Variants in ARNT2 observed in about 807,000 individuals in gnomAD.
The protein encoded by ARNT2 is ARNT protein 2.
ARNT2 carries 36 observed loss-of-function variants against 91.7 expected under a neutral mutation model. That is an observed-to-expected ratio of 0.39 (90% CI 0.30 to 0.52). The LOEUF is 0.52. Among genes scored for constraint, ARNT2 ranks in the 20% least tolerant of loss-of-function variants. The pLI is 0.72. For missense variants in ARNT2, 775 were observed against 939.3 expected (o/e 0.83, Z 2.29); for synonymous variants, 365 against 347.1 (o/e 1.05, Z -0.57).
chr15:80,508,373 C>T, intron 6 of ARNT2, 115 bp downstream of exon 6: 2 of 945,038 alleles, frequency 2.1e-6, no homozygotes, highest in Non-Finnish European at 3.3e-6. Context: ...GGGTTCACTC[C>T]AGGGACTTCG....
intron 12 of ARNT2, among the ~76,000 whole-genome samples, chr15:80,568,021 A>G (rs1898517373): frequency 6.6e-6 from 1 of 152,226 alleles, no homozygotes; most frequent in South Asian, 2.1e-4. Context: ...GGTTGCTTTC[A>G]GTCAAAAGCA....
At chr15:80,420,913 C>T (rs1352552981) in intron 1 of ARNT2, among the ~76,000 whole-genome samples, 1 of 152,056 alleles carries the variant, frequency 6.6e-6, no homozygotes, top group East Asian at 1.9e-4. Context: ...AGTATCTACC[C>T]AAAGGCAAAA....
chr15:80,433,262 A>AT lies in ARNT2; in HGVS notation c.32-17614dup, dbSNP rs11403664. On this transcript the variant is annotated intron_variant, in intron 1 of 18. Coordinates refer to ENST00000303329, the MANE Select transcript of ARNT2 (RefSeq NM_014862.4). The stretch of plus-strand genomic sequence containing the variant: ...ATTTTATTTTATTTTATTTTATTTT[A>AT]TTTTATTTTATTTTATTTTATTTTA... Among the ~76,000 whole-genome samples, 534 of 58,256 alleles carry AT rather than the reference A, an allele frequency of 9.2e-3. 11 individuals are homozygous for AT. The highest frequency in any genetic ancestry group is 0.03 in the South Asian group (53 of 1,744). The allele number at this position is 58,256 out of a possible 152,430, so 38.2% of individuals were successfully genotyped here. A position where few individuals can be genotyped will look rare whatever the true frequency, so the allele number is the denominator to read the frequency against.
chr15:80,484,286 G>A (rs763525392), intron 5 of ARNT2, among the ~76,000 whole-genome samples: 1 of 152,172 alleles, frequency 6.6e-6, no homozygotes, highest in South Asian at 2.1e-4. Context: ...GGCAAGAAAA[G>A]CATGTTTATT....
chr15:80,468,488 A>G (rs993699878), intron 3 of ARNT2, among the ~76,000 whole-genome samples: 8 of 151,702 alleles, frequency 5.3e-5, no homozygotes, highest in Admixed American at 5.3e-4. Flanking sequence ...CCACCCTCAA[A>G]TGTTTCTTCC....
intron 8 of ARNT2, among the ~76,000 whole-genome samples, chr15:80,515,436 T>G (rs995583105): frequency 7.9e-5 from 12 of 152,228 alleles, no homozygotes; most frequent in African/African-American, 2.7e-4. Context: ...CATGCTATAT[T>G]ATGGACAAAT....
intron 5 of ARNT2, among the ~76,000 whole-genome samples, chr15:80,497,819 A>T (rs1256941783): frequency 1.3e-5 from 2 of 152,240 alleles, no homozygotes; most frequent in Non-Finnish European, 2.9e-5. Context: ...ATTCTTCCTG[A>T]GGAAAACACT....
chr15:80,542,711 G>A (rs951421134), intron 8 of ARNT2, among the ~76,000 whole-genome samples: 1 of 152,134 alleles, frequency 6.6e-6, no homozygotes, highest in African/African-American at 2.4e-5. Context: ...TTATCTCTAG[G>A]TAGATGATCT....
intron 8 of ARNT2, among the ~76,000 whole-genome samples, chr15:80,526,774 A>T (rs1897646865): frequency 6.6e-6 from 1 of 152,226 alleles, no homozygotes; most frequent in Non-Finnish European, 1.5e-5. Context: ...AGAATCTGCT[A>T]TGGTCAGGCC....
chr15:80,523,827 A>T (rs1428428715), intron 8 of ARNT2, among the ~76,000 whole-genome samples: 1 of 152,212 alleles, frequency 6.6e-6, no homozygotes, highest in East Asian at 1.9e-4. Context: ...TGTGACTGTG[A>T]GTGTGAGTGT....
intron 3 of ARNT2, among the ~76,000 whole-genome samples, chr15:80,460,867 G>C (rs1487250317): frequency 6.6e-6 from 1 of 152,182 alleles, no homozygotes; most frequent in East Asian, 1.9e-4. Context: ...CAGGAGTGAC[G>C]CTGGGGAGAG....
intron 12 of ARNT2, among the ~76,000 whole-genome samples, chr15:80,565,726 A>T (rs4778815): frequency 6.6e-6 from 1 of 151,768 alleles, no homozygotes; most frequent in East Asian, 1.9e-4. Flanking sequence ...TTTTAATGGG[A>T]TTTGTTTTTT....
intron 1 of ARNT2, 25 bp from the exon 2 acceptor site, chr15:80,450,855 A>G (rs753335600): frequency 4.3e-6 from 7 of 1,611,774 alleles, no homozygotes; most frequent in Non-Finnish European, 1.7e-6. Context: ...CATTGACAAA[A>G]CCTCTTGTCT....
At chr15:80,546,174 A>G (rs1897987356) in intron 8 of ARNT2, among the ~76,000 whole-genome samples, 1 of 151,688 alleles carries the variant, frequency 6.6e-6, no homozygotes, top group Non-Finnish European at 1.5e-5. Flanking sequence ...AAGGTAGACA[A>G]TCTAGAGTTA....
At chr15:80,444,647 C>T (rs117857687) in intron 1 of ARNT2, 22,092 of 141,542 alleles carry the variant, frequency 0.16, 1,731 homozygotes, top group South Asian at 0.26. Context: ...GATGTGTGTG[C>T]GTGGTGTGTG....
At chr15:80,481,438 G>A (rs1896887228) in intron 5 of ARNT2, among the ~76,000 whole-genome samples, 1 of 152,146 alleles carries the variant, frequency 6.6e-6, no homozygotes, top group Admixed American at 6.5e-5. Flanking sequence ...CAGCTGGGTG[G>A]GTGGCTCACA....
intron 1 of ARNT2, among the ~76,000 whole-genome samples, chr15:80,426,767 T>C (rs1469412315): frequency 6.6e-6 from 1 of 152,180 alleles, no homozygotes; most frequent in Non-Finnish European, 1.5e-5. Context: ...CAAAATACTA[T>C]AGACTGGGTG....
At chr15:80,521,827 T>C (rs182709227) in intron 8 of ARNT2, among the ~76,000 whole-genome samples, 44 of 152,294 alleles carry the variant, frequency 2.9e-4, no homozygotes, top group African/African-American at 1.0e-3. Context: ...ATGGGTTATG[T>C]TAATAATGGA....
chr15:80,514,108 G>A, intron 7 of ARNT2, 132 bp downstream of exon 7: 1 of 1,014,856 alleles, frequency 9.9e-7, no homozygotes, highest in Non-Finnish European at 1.5e-6. Context: ...CAGGGTGGCA[G>A]TGGCAGAGAT....
Sources: allele counts gnomAD v4.1 joint callset (sites outside exome capture counted in the v4.1 genomes callset), GRCh38; gene constraint gnomAD v4.1.1; transcripts MANE v1.5; gene names NCBI Gene and HGNC (gene_info 2026-07-23, HGNC 2026-07-21).